CHRM3: variants seen among roughly 807,000 people sequenced by gnomAD.
CHRM3 encodes muscarinic acetylcholine receptor M3.
In CHRM3, 11 loss-of-function variants were observed where a neutral mutation model predicts 41.8. The ratio of observed to expected loss-of-function variants is 0.26; its 90% CI spans 0.17 to 0.44. The LOEUF is 0.44. CHRM3 is among the 20% of genes least tolerant of loss of function. The pLI, the probability that CHRM3 is intolerant of heterozygous loss-of-function variation, is 1.00. For synonymous variants in CHRM3, 297 were observed against 301.4 expected, an observed-to-expected ratio of 0.99 and a Z score of 0.15; for missense variants, 571 against 745.4, an observed-to-expected ratio of 0.77 and a Z score of 2.72.
chr1:239,665,458 T>C (rs1464792037), intron 4 of CHRM3, among the ~76,000 whole-genome samples: 1 of 152,210 alleles, frequency 6.6e-6, no homozygotes, highest in African/African-American at 2.4e-5. Flanking sequence ...ATTTTTTTCC[T>C]GATTTTTCTA....
At chr1:239,670,110 A>G (rs943505428) in intron 4 of CHRM3, among the ~76,000 whole-genome samples, 1 of 152,236 alleles carries the variant, frequency 6.6e-6, no homozygotes, top group Admixed American at 6.5e-5. Flanking sequence ...ATGTGCAATA[A>G]CAAGCGCTCA....
At chr1:239,687,172 A>G (rs1000624019) in intron 5 of CHRM3, among the ~76,000 whole-genome samples, 2 of 151,896 alleles carry the variant, frequency 1.3e-5, no homozygotes, top group African/African-American at 2.4e-5. Context: ...AATGGTAGCT[A>G]TGTCCTTTGA....
In CHRM3 at chr1:239,387,957, A is replaced by G. The variant is rs569454279; in HGVS notation, c.-521+730A>G. ...GCATAGCCTCCTAATAGCGAGGTTAATTTTTGCGTGTTTTTAAACGGCGGG... is the reference window on the plus strand; with the variant it reads ...GCATAGCCTCCTAATAGCGAGGTTAGTTTTTGCGTGTTTTTAAACGGCGGG... On this transcript the variant is annotated intron_variant, in intron 1 of 6. Coordinates refer to ENST00000676153, the MANE Select transcript of CHRM3 (RefSeq NM_001375978.1). This position sits in a 1 kb window ranked among gnomAD's most constrained non-coding sequence, Gnocchi z 5.1. 6.6e-6 allele frequency among the ~76,000 whole-genome samples: 1 copy of G among 151,886 alleles called. No homozygotes were observed. Among genetic ancestry groups the G allele is most frequent in the African/African-American group, 2.4e-5 (1 of 41,318 alleles).
intron 4 of CHRM3, among the ~76,000 whole-genome samples, chr1:239,662,905 TTCTTC>T: frequency 7.0e-6 from 1 of 143,798 alleles, no homozygotes; most frequent in South Asian, 2.3e-4. Flanking sequence ...CTTCTTCTTC[TTCTTC>T]TTCTTCTTCT....
chr1:239,843,769 G>A (rs367774173), intron 6 of CHRM3, among the ~76,000 whole-genome samples: 5 of 152,122 alleles, frequency 3.3e-5, no homozygotes, highest in African/African-American at 7.2e-5. Context: ...AGCTAAAATT[G>A]CTAGTTTTAG....
rs926977809 is a variant in CHRM3 at position 239,607,659 on chromosome 1, T to TA, written c.-312-24557dup. On this transcript the variant is annotated intron_variant, in intron 3 of 6. Transcript: ENST00000676153. ...TACTATTAATATGAAAAGCTCAAAC[T>TA]AAAAAAAAGGCTTAGTAAAATCAAC... is the stretch of plus-strand genomic sequence containing the variant. 5.1e-4 allele frequency among the ~76,000 whole-genome samples: 78 copies of TA among 151,858 alleles called. 2 individuals carry two copies. The South Asian group carries it at 6.9e-3, about 13-fold the overall frequency.
Position 239,864,939 on chromosome 1 carries a change from A to G in CHRM3, c.-20+37561A>G, listed in dbSNP as rs114684096. Among the ~76,000 whole-genome samples the G allele has an allele frequency of 2.2e-3, 333 of 152,274 alleles. 1 individual carries two copies. The highest frequency in any genetic ancestry group is 7.9e-3 in the African/African-American group (329 of 41,548). On this transcript the variant is annotated intron_variant, in intron 6 of 6. Transcript: ENST00000676153. ...GGGAGTGAAAATTTATATGTCTTCTAGGGTGGAGAAGGTGACAACATCTAT... is the reference window on the plus strand; with the variant it reads ...GGGAGTGAAAATTTATATGTCTTCTGGGGTGGAGAAGGTGACAACATCTAT...
chr1:239,680,471 A>G (rs1658449771), intron 5 of CHRM3, among the ~76,000 whole-genome samples: 1 of 152,164 alleles, frequency 6.6e-6, no homozygotes, highest in Admixed American at 6.5e-5. Flanking sequence ...TCACAAGTAT[A>G]GAAATGACAG....
intron 4 of CHRM3, among the ~76,000 whole-genome samples, chr1:239,655,788 A>G (rs1489389075): frequency 6.6e-6 from 1 of 152,230 alleles, no homozygotes; most frequent in Non-Finnish European, 1.5e-5. Flanking sequence ...ATGTAAAATA[A>G]GCAATTGCTT....
intron 5 of CHRM3, among the ~76,000 whole-genome samples, chr1:239,709,039 A>G (rs1661496222): frequency 6.6e-6 from 1 of 151,790 alleles, no homozygotes; most frequent in Admixed American, 6.6e-5. Context: ...AAGATATGTT[A>G]CCCCAAAATT....
rs191002821 is a variant in CHRM3 at position 239,441,692 on chromosome 1, C to G, written c.-520-51017C>G. On this transcript the variant is annotated intron_variant, in intron 1 of 6. Coordinates refer to ENST00000676153, the MANE Select transcript of CHRM3 (RefSeq NM_001375978.1). ...GTGATAAAATAAGGCACTGAAGATT[C>G]TTTCAAATAAGCCCTTGGAGGAGAC... 2.0e-5 allele frequency among the ~76,000 whole-genome samples: 3 copies of G among 151,476 alleles called. No homozygotes were observed. In the East Asian group the frequency reaches 5.8e-4, roughly 29 times the overall value.
intron 1 of CHRM3, among the ~76,000 whole-genome samples, chr1:239,469,700 G>T (rs1665979737): frequency 1.3e-5 from 2 of 152,074 alleles, no homozygotes; most frequent in African/African-American, 2.4e-5. Context: ...GGGATTACAG[G>T]CACCCACCAT....
intron 6 of CHRM3, among the ~76,000 whole-genome samples, chr1:239,842,657 A>T (rs1673913394): frequency 6.6e-6 from 1 of 152,160 alleles, no homozygotes; most frequent in Non-Finnish European, 1.5e-5. Context: ...TGATCACTTG[A>T]TATATCAGGT....
intron 5 of CHRM3, among the ~76,000 whole-genome samples, chr1:239,722,888 A>C (rs1041026006): frequency 6.6e-6 from 1 of 151,932 alleles, no homozygotes; most frequent in African/African-American, 2.4e-5. Flanking sequence ...TGTATCAACT[A>C]GGGAATATAA....
chr1:239,889,935 T>C (rs553162332), intron 6 of CHRM3, among the ~76,000 whole-genome samples: 2 of 152,258 alleles, frequency 1.3e-5, no homozygotes, highest in East Asian at 3.9e-4. Context: ...CAAATCTGTG[T>C]TGAATGTAGA....
chr1:239,622,644 A>C (rs936962320), intron 3 of CHRM3, among the ~76,000 whole-genome samples: 10 of 152,326 alleles, frequency 6.6e-5, no homozygotes, highest in Non-Finnish European at 1.5e-4. Flanking sequence ...CTGCTATCTC[A>C]TGATAAAACT....
In CHRM3 at chr1:239,907,477, C is replaced by G; in HGVS notation, c.26C>G (p.Thr9Ser). 6.2e-7 allele frequency: 1 copy of G among 1,614,010 alleles called. No homozygotes were observed. The highest frequency in any genetic ancestry group is 8.5e-7 in the Non-Finnish European group (1 of 1,179,952). The stretch of plus-strand genomic sequence containing the variant: ...ATGACCTTGCACAATAACAGTACAA[C>G]CTCGCCTTTGTTTCCAAACATCAGC... Reference protein sequence around the residue: MTLHNNSTTSPLFPNISSS... With the variant: MTLHNNSTSSPLFPNISSS... The change falls in exon 7 of 7, where the codon ACC becomes AGC. Residue 9 changes from threonine (T) to serine (S), a missense_variant. Thr to Ser is a moderately conservative substitution (Grantham distance 58, BLOSUM62 1). This residue lies in a region of CHRM3 where 92 missense variants were observed against 76.1 expected (regional missense o/e 1.21). Coordinates refer to ENST00000676153, the MANE Select transcript of CHRM3 (RefSeq NM_001375978.1). The surrounding 1 kb of genome is among the most constrained non-coding windows in gnomAD (Gnocchi z 5.4).
In CHRM3 at chr1:239,553,227, A is replaced by T. The variant is rs191175171; in HGVS notation, c.-313+7478A>T. On this transcript the variant is annotated intron_variant, in intron 3 of 6. Transcript: ENST00000676153. ...AAATATGGAGGCATATAATATTTTC[A>T]TGTGGGGAAATAGAGAACTAATTTT... is the stretch of plus-strand genomic sequence containing the variant. 5.4e-3 allele frequency among the ~76,000 whole-genome samples: 819 copies of T among 152,220 alleles called. 6 individuals carry two copies. The highest frequency in any genetic ancestry group is 7.3e-3 in the Non-Finnish European group (494 of 68,008).
chr1:239,844,732 A>G (rs1674121205), intron 6 of CHRM3, among the ~76,000 whole-genome samples: 1 of 152,230 alleles, frequency 6.6e-6, no homozygotes, highest in South Asian at 2.1e-4. Flanking sequence ...CTTTATGGAT[A>G]GGGATACTGA....
Sources: gnomAD v4.1 joint callset for allele counts (sites outside exome capture counted in the v4.1 genomes callset) on GRCh38, gnomAD v4.1.1 for gene constraint, gnomAD v4.1.1 regional missense constraint, Gnocchi (gnomAD v3.1) non-coding constraint, MANE v1.5 for transcripts, NCBI Gene and HGNC (gene_info 2026-07-23, HGNC 2026-07-21) for gene names.